Variants in ABCC4 observed in about 807,000 individuals in gnomAD.
ABCC4 encodes ATP-binding cassette sub-family C member 4.
A neutral mutation model predicts 168.5 loss-of-function variants in ABCC4; 102 were observed. The ratio of observed to expected loss-of-function variants is 0.61; its 90% CI spans 0.52 to 0.71. The LOEUF is 0.71. ABCC4 is among the 30% of genes least tolerant of loss of function. The pLI is 0.00. For synonymous variants in ABCC4, 617 were observed against 590.7 expected, an observed-to-expected ratio of 1.04 and a Z score of -0.65; for missense variants, 1,402 against 1,605.8, an observed-to-expected ratio of 0.87 and a Z score of 2.17.
chr13:95,291,472 C>G (rs1237109222), intron 1 of ABCC4, among the ~76,000 whole-genome samples: 1 of 152,246 alleles, frequency 6.6e-6, no homozygotes, highest in Middle Eastern at 3.4e-3. Flanking sequence ...CCAAGTTAAT[C>G]TAGCAACCAC....
At chr13:95,034,098 GA>G (rs1322157846) in intron 30 of ABCC4, among the ~76,000 whole-genome samples, 4 of 152,288 alleles carry the variant, frequency 2.6e-5, no homozygotes, top group Non-Finnish European at 4.4e-5. Flanking sequence ...TAATAAAACA[GA>G]AACCAAAAGC....
At chr13:95,283,231 A>C (rs1566598195) in intron 1 of ABCC4, among the ~76,000 whole-genome samples, 1 of 151,256 alleles carries the variant, frequency 6.6e-6, no homozygotes, top group Non-Finnish European at 1.5e-5. Context: ...AAAAAAAAAA[A>C]GTTTAAAAAC....
chr13:95,127,919 C>G (rs1343343292), intron 19 of ABCC4, among the ~76,000 whole-genome samples: 1 of 152,098 alleles, frequency 6.6e-6, no homozygotes, highest in East Asian at 1.9e-4. Flanking sequence ...TAAATAACTT[C>G]AAAGGATTTC....
chr13:95,050,339 G>A (rs1416134084), intron 27 of ABCC4, among the ~76,000 whole-genome samples: 1 of 152,068 alleles, frequency 6.6e-6, no homozygotes, highest in Non-Finnish European at 1.5e-5. Flanking sequence ...AACTCACAAT[G>A]CTTCATTTGT....
In ABCC4 at chr13:95,278,533, G is replaced by A. The variant is rs571934672; in HGVS notation, c.74+22708C>T. On this transcript the variant is annotated intron_variant, in intron 1 of 30. Transcript: ENST00000645237. Reference sequence around the variant, plus strand: ...AGAGAGGCAAGGGGCGGTGGCTCACGCCTATAATCCCAACACATTGGGAGG... The same window carrying A: ...AGAGAGGCAAGGGGCGGTGGCTCACACCTATAATCCCAACACATTGGGAGG... Among the ~76,000 whole-genome samples, 168 of 152,246 alleles carry A rather than the reference G, an allele frequency of 1.1e-3. 1 individual carries two copies. The highest frequency in any genetic ancestry group is 1.7e-3 in the Non-Finnish European group (113 of 68,006).
intron 1 of ABCC4, among the ~76,000 whole-genome samples, chr13:95,264,910 T>C (rs549573101): frequency 7.1e-6 from 1 of 141,280 alleles, no homozygotes; most frequent in Admixed American, 7.6e-5. Context: ...GCTCTTTCTC[T>C]CAAACTGGAG....
chr13:95,194,108 A>G (rs1431228540), intron 9 of ABCC4, among the ~76,000 whole-genome samples: 4 of 152,230 alleles, frequency 2.6e-5, no homozygotes, highest in Non-Finnish European at 5.9e-5. Flanking sequence ...GGAGTTGTGG[A>G]TAACAGGAGA....
At chr13:95,080,304 C>T (rs181803268) in intron 21 of ABCC4, among the ~76,000 whole-genome samples, 3 of 152,284 alleles carry the variant, frequency 2.0e-5, no homozygotes, top group East Asian at 1.9e-4. Context: ...AATGCCATTC[C>T]GGTTTTTATG....
At chr13:95,111,645 C>T (rs1054427345) in intron 20 of ABCC4, among the ~76,000 whole-genome samples, 1 of 152,192 alleles carries the variant, frequency 6.6e-6, no homozygotes, top group Non-Finnish European at 1.5e-5. Flanking sequence ...ACCAGTGTCA[C>T]TGTTCCCATC....
At chr13:95,139,802 A>G (rs1010579648) in intron 19 of ABCC4, among the ~76,000 whole-genome samples, 1 of 152,204 alleles carries the variant, frequency 6.6e-6, no homozygotes, top group Non-Finnish European at 1.5e-5. Context: ...TCCTGGGGGA[A>G]AAAATTTAAA....
At chr13:95,063,567 G>T (rs1566383814) in intron 25 of ABCC4, among the ~76,000 whole-genome samples, 1 of 152,162 alleles carries the variant, frequency 6.6e-6, no homozygotes, top group Non-Finnish European at 1.5e-5. Flanking sequence ...AACAACGCAA[G>T]TAACATTTGC....
chr13:95,075,258 G>C (rs747741761), intron 22 of ABCC4, 174 bp downstream of exon 22: 29 of 787,688 alleles, frequency 3.7e-5, no homozygotes, highest in Admixed American at 1.3e-4. Flanking sequence ...GCGATTCCGA[G>C]AGGAGTCCAA....
intron 11 of ABCC4, among the ~76,000 whole-genome samples, chr13:95,185,782 T>C (rs1184490315): frequency 4.6e-5 from 7 of 152,084 alleles, no homozygotes; most frequent in Admixed American, 4.6e-4. Context: ...TTTCATCAAC[T>C]ATCCACCAGG....
chr13:95,183,637 G>A (rs373205434), intron 11 of ABCC4, among the ~76,000 whole-genome samples: 1 of 152,218 alleles, frequency 6.6e-6, no homozygotes, highest in South Asian at 2.1e-4. Flanking sequence ...AGCTGGTCGT[G>A]CGCAGTGGCT....
chr13:95,278,806 GAAAAAAAA>G (rs71113905), intron 1 of ABCC4, among the ~76,000 whole-genome samples: 1 of 34,344 alleles, frequency 2.9e-5, no homozygotes, highest in Non-Finnish European at 4.5e-5. Flanking sequence ...CCCTGTCTCG[GAAAAAAAA>G]AAAAAAAAAA....
chr13:95,071,071 C>A (rs1168701060), intron 25 of ABCC4, among the ~76,000 whole-genome samples: 1 of 35,112 alleles, frequency 2.8e-5, no homozygotes, highest in East Asian at 5.2e-4. Context: ...GGGAAGTTTC[C>A]CTGCACAAAC....
At chr13:95,048,549 T>C (rs1205971913) in intron 27 of ABCC4, among the ~76,000 whole-genome samples, 4 of 152,150 alleles carry the variant, frequency 2.6e-5, no homozygotes, top group Non-Finnish European at 5.9e-5. Context: ...CACAGCTAAG[T>C]GTGAACGAAG....
chr13:95,228,323 A>T (rs796227653), intron 4 of ABCC4, among the ~76,000 whole-genome samples: 23 of 152,284 alleles, frequency 1.5e-4, no homozygotes, highest in African/African-American at 5.1e-4. Context: ...ATAGGGCGGC[A>T]GACATGACTT....
At chr13:95,153,523 T>C (rs747395375) in intron 19 of ABCC4, among the ~76,000 whole-genome samples, 1 of 152,186 alleles carries the variant, frequency 6.6e-6, no homozygotes, top group East Asian at 1.9e-4. Context: ...TCACATTATA[T>C]ACACTATAGG....
Sources: allele counts gnomAD v4.1 joint callset (sites outside exome capture counted in the v4.1 genomes callset), GRCh38; gene constraint gnomAD v4.1.1; transcripts MANE v1.5; gene names NCBI Gene and HGNC (gene_info 2026-07-23, HGNC 2026-07-21).